The following DCAF4L1 variants were observed in gnomAD, a reference collection of about 807,000 sequenced individuals.
DCAF4L1 encodes the protein DDB1 and CUL4 associated factor 4 like 1.
DCAF4L1 carries 4 observed loss-of-function variants against 28.2 expected under a neutral mutation model. That is an observed-to-expected ratio of 0.14 (90% CI 0.07 to 0.33). The LOEUF (loss-of-function observed/expected upper bound fraction) is 0.33. DCAF4L1 is among the 10% of genes least tolerant of loss of function. The pLI is 1.00. For missense variants in DCAF4L1, 331 were observed against 506.1 expected (o/e 0.65, Z 3.32); for synonymous variants, 252 against 212.1 (o/e 1.19, Z -1.63).
rs890102200 is a variant in DCAF4L1, at chr4:41,983,796, C to T, written c.*813C>T. 1.8e-5 allele frequency: 3 copies of T among 166,500 alleles called. No individual in the cohort carries two copies. Among genetic ancestry groups the T allele is most frequent in the African/African-American group, 7.3e-5 (3 of 41,262 alleles). 10.3% of individuals were successfully genotyped at this position (166,500 alleles called of 1,614,324 possible). A position where few individuals can be genotyped will look rare whatever the true frequency, so the allele number is the denominator to read the frequency against. ...TTAAAGAGCCTGTTTTTCTACTAAG[C>T]AAGGAAGAAAAAAAACGTGTAATAA... On this transcript the variant is annotated 3_prime_UTR_variant, in exon 1 of 1. Transcript: ENST00000333141.
chr4:41,982,247 C>A lies in DCAF4L1; in HGVS notation c.455C>A (p.Ala152Asp), dbSNP rs1714006838. The A allele has an allele frequency of 6.2e-7, 1 of 1,614,116 alleles. No homozygotes were observed. Among genetic ancestry groups the A allele is most frequent in the Non-Finnish European group, 8.5e-7 (1 of 1,180,054 alleles). The change falls in exon 1 of 1, where the codon GCT becomes GAT. Residue 152 changes from alanine (A) to aspartate (D), a missense_variant. Transcript: ENST00000333141. This position sits in a 1 kb window ranked among gnomAD's most constrained non-coding sequence, Gnocchi z 4.4. Reference sequence around the variant, plus strand: ...CTGTGCTTCGAGGGAATCACAGATGCTCCAAGCTGTGCAGTGCTGCTCCCA... The same window carrying A: ...CTGTGCTTCGAGGGAATCACAGATGATCCAAGCTGTGCAGTGCTGCTCCCA... The part of the protein sequence containing the change: ...VLLCFEGITD[A>D]PSCAVLLPAS...
rs1214165901 is a variant in DCAF4L1, at chr4:41,985,447, T to G, written c.*2464T>G. 1.8e-5 allele frequency: 3 copies of G among 167,074 alleles called. No individual in the cohort carries two copies. The highest frequency in any genetic ancestry group is 7.2e-5 in the African/African-American group (3 of 41,454). 10.3% of individuals were successfully genotyped at this position (167,074 alleles called of 1,614,324 possible). ...TTGGGAATTAAAAGAGAAGCAAATG[T>G]TGGTGCAGTTGTGAGCAAATAGAAC... On this transcript the variant is annotated 3_prime_UTR_variant, in exon 1 of 1. Coordinates refer to ENST00000333141, the MANE Select transcript of DCAF4L1 (RefSeq NM_001029955.4).
In DCAF4L1 at chr4:41,984,048, G is replaced by A. The variant is rs1464720003; in HGVS notation, c.*1065G>A. 1 of 163,538 alleles carries A rather than the reference G, an allele frequency of 6.1e-6. No homozygotes were observed. The highest frequency in any genetic ancestry group is 2.4e-5 in the African/African-American group (1 of 41,438). The allele number at this position is 163,538 out of a possible 1,614,324, so 10.1% of individuals were successfully genotyped here. A position where few individuals can be genotyped will look rare whatever the true frequency, so the allele number is the denominator to read the frequency against. ...TAAAGTTCAAAAGCAGTAAAAACTT[G>A]TCTATGGTGATTAAAGGTAGAGTAG... is the stretch of plus-strand genomic sequence containing the variant. On this transcript the variant is annotated 3_prime_UTR_variant, in exon 1 of 1. Transcript: ENST00000333141.
In DCAF4L1 at chr4:41,984,382, T is replaced by A. The variant is rs936920276; in HGVS notation, c.*1399T>A. 6.0e-6 allele frequency: 1 copy of A among 166,882 alleles called. No individual in the cohort carries two copies. The highest frequency in any genetic ancestry group is 2.4e-5 in the African/African-American group (1 of 41,392). 10.3% of individuals were successfully genotyped at this position (166,882 alleles called of 1,614,324 possible). ...TTGGAAGATCATTCGAAGGTAGTAT[T>A]ATTGATAAGGCTTGCTGATGAGAGT... On this transcript the variant is annotated 3_prime_UTR_variant, in exon 1 of 1. Transcript: ENST00000333141.
Position 41,983,060 on chromosome 4 carries a change from A to C in DCAF4L1, c.*77A>C. 1 of 1,321,280 alleles carries C rather than the reference A, an allele frequency of 7.6e-7. No individual in the cohort carries two copies. The highest frequency in any genetic ancestry group is 2.4e-5 in the East Asian group (1 of 42,232). 81.8% of individuals were successfully genotyped at this position (1,321,280 alleles called of 1,614,324 possible). Reference sequence around the variant, plus strand: ...AGTATCTTATTACCGTTTCTGTGAGAGCATTTTAAGAGACGTGTTGTATAT... The same window carrying C: ...AGTATCTTATTACCGTTTCTGTGAGCGCATTTTAAGAGACGTGTTGTATAT... On this transcript the variant is annotated 3_prime_UTR_variant, in exon 1 of 1. Coordinates refer to ENST00000333141, the MANE Select transcript of DCAF4L1 (RefSeq NM_001029955.4).
Position 41,983,790 on chromosome 4 carries a change from A to C in DCAF4L1, c.*807A>C, listed in dbSNP as rs1714068245. On this transcript the variant is annotated 3_prime_UTR_variant, in exon 1 of 1. Transcript: ENST00000333141. Reference sequence around the variant, plus strand: ...AAAATGTTAAAGAGCCTGTTTTTCTACTAAGCAAGGAAGAAAAAAAACGTG... The same window carrying C: ...AAAATGTTAAAGAGCCTGTTTTTCTCCTAAGCAAGGAAGAAAAAAAACGTG... 1 of 167,036 alleles carries C rather than the reference A, an allele frequency of 6.0e-6. No homozygotes were observed. Among genetic ancestry groups the C allele is most frequent in the Admixed American group, 6.5e-5 (1 of 15,276 alleles). 10.3% of individuals were successfully genotyped at this position (167,036 alleles called of 1,614,324 possible). A position where few individuals can be genotyped will look rare whatever the true frequency, so the allele number is the denominator to read the frequency against.
chr4:41,981,912 C>T lies in DCAF4L1; in HGVS notation c.120C>T (p.Thr40=), dbSNP rs1202605557. 1.2e-6 allele frequency: 2 copies of T among 1,614,218 alleles called. No homozygotes were observed. The highest frequency in any genetic ancestry group is 1.3e-5 in the African/African-American group (1 of 75,062). Residue 40 remains threonine, a synonymous_variant, in exon 1 of 1, where the codon ACC becomes ACT. Transcript: ENST00000333141. The stretch of plus-strand genomic sequence containing the variant: ...GCCAGCTAGGTTTCCTCAACGTCAC[C>T]AGTTACTCCCGTTTAGCCAACGAGC... The part of the protein sequence containing the change: ...RKSQLGFLNV[T]SYSRLANELR...
chr4:41,982,471 G>A lies in DCAF4L1; in HGVS notation c.679G>A (p.Val227Ile). Reference sequence around the variant, plus strand: ...GCAGTCATTTGATACCAGCAGTGATGTCTTGGCCCAGCAGTTTGCTAGTAC... The same window carrying A: ...GCAGTCATTTGATACCAGCAGTGATATCTTGGCCCAGCAGTTTGCTAGTAC... ...HQQSFDTSSD[V>I]LAQQFASTAP... Residue 227 changes from valine to isoleucine, a missense_variant, in exon 1 of 1, where the codon GTC becomes ATC. Transcript: ENST00000333141. The surrounding 1 kb of genome is among the most constrained non-coding windows in gnomAD (Gnocchi z 4.4). 1 of 1,614,226 alleles carries A rather than the reference G, an allele frequency of 6.2e-7. No individual in the cohort carries two copies. Among genetic ancestry groups the A allele is most frequent in the Non-Finnish European group, 8.5e-7 (1 of 1,180,040 alleles).
chr4:41,982,742 A>G lies in DCAF4L1; in HGVS notation c.950A>G (p.Tyr317Cys), dbSNP rs202178500. 2.1e-4 allele frequency: 336 copies of G among 1,614,222 alleles called. 1 individual carries two copies. The highest frequency in any genetic ancestry group is 2.7e-4 in the Non-Finnish European group (317 of 1,180,048). ...QYEGHVNESAYLPLHVHEEEG... is the reference protein window; with the variant it reads ...QYEGHVNESACLPLHVHEEEG... The stretch of plus-strand genomic sequence containing the variant: ...GAAGGTCACGTGAATGAGTCCGCCT[A>G]TCTGCCCCTGCATGTGCACGAGGAA... Residue 317 changes from tyrosine to cysteine, a missense_variant, in exon 1 of 1, where the codon TAT becomes TGT. Tyr to Cys is a radical substitution (Grantham distance 194). Transcript: ENST00000333141. This position sits in a 1 kb window ranked among gnomAD's most constrained non-coding sequence, Gnocchi z 4.4.
In DCAF4L1 at chr4:41,982,224, GTGCTTCGAGGGAATCACAGA is replaced by G. The variant is rs762622618; in HGVS notation, c.437_456del (p.Phe146SerfsTer20). On this transcript the variant is annotated frameshift_variant, in exon 1 of 1. Coordinates refer to ENST00000333141, the MANE Select transcript of DCAF4L1 (RefSeq NM_001029955.4). LOFTEE classifies it high-confidence loss of function. The surrounding 1 kb of genome is among the most constrained non-coding windows in gnomAD (Gnocchi z 4.4). ...ACCAGTTGGACTCTCACGTTCTGCT[GTGCTTCGAGGGAATCACAGA>G]TGCTCCAAGCTGTGCAGTGCTGCTC... is the stretch of plus-strand genomic sequence containing the variant. The G allele has an allele frequency of 6.2e-7, 1 of 1,614,244 alleles. No individual in the cohort carries two copies. Among genetic ancestry groups the G allele is most frequent in the Non-Finnish European group, 8.5e-7 (1 of 1,180,048 alleles).
rs34302641 is a variant in DCAF4L1 at position 41,983,255 on chromosome 4, C to CT, written c.*283dup. On this transcript the variant is annotated 3_prime_UTR_variant, in exon 1 of 1. Coordinates refer to ENST00000333141, the MANE Select transcript of DCAF4L1 (RefSeq NM_001029955.4). ...AGAACAGTTAACCACCTCCCCAACC[C>CT]TTTTTTTTTTTAAATAATTAAGACT... The CT allele has an allele frequency of 0.62, 138,603 of 223,374 alleles. 40,915 individuals carry two copies. Among genetic ancestry groups the CT allele is most frequent in the East Asian group, 0.76 (6,390 of 8,442 alleles). 13.8% of individuals were successfully genotyped at this position (223,374 alleles called of 1,614,324 possible). A position where few individuals can be genotyped will look rare whatever the true frequency, so the allele number is the denominator to read the frequency against.
Position 41,985,464 on chromosome 4 carries a change from A to C in DCAF4L1, c.*2481A>C, listed in dbSNP as rs1368180845. 1.2e-5 allele frequency: 2 copies of C among 167,138 alleles called. No individual in the cohort carries two copies. The highest frequency in any genetic ancestry group is 4.8e-5 in the African/African-American group (2 of 41,466). 10.4% of individuals were successfully genotyped at this position (167,138 alleles called of 1,614,324 possible). On this transcript the variant is annotated 3_prime_UTR_variant, in exon 1 of 1. Coordinates refer to ENST00000333141, the MANE Select transcript of DCAF4L1 (RefSeq NM_001029955.4). ...AGCAAATGTTGGTGCAGTTGTGAGC[A>C]AATAGAACTTTCATATACTGTTGAG...
In DCAF4L1 at chr4:41,985,963, C is replaced by T. The variant is rs1266812087; in HGVS notation, c.*2980C>T. 6.0e-6 allele frequency: 1 copy of T among 167,120 alleles called. No individual in the cohort carries two copies. The highest frequency in any genetic ancestry group is 1.9e-4 in the East Asian group (1 of 5,208). 10.4% of individuals were successfully genotyped at this position (167,120 alleles called of 1,614,324 possible). A position where few individuals can be genotyped will look rare whatever the true frequency, so the allele number is the denominator to read the frequency against. On this transcript the variant is annotated 3_prime_UTR_variant, in exon 1 of 1. Transcript: ENST00000333141. Reference sequence around the variant, plus strand: ...CCTAGTGACTCCAATAGTAATGGCACTGTGTCCGAGAGTCCAAAGAAGATG... The same window carrying T: ...CCTAGTGACTCCAATAGTAATGGCATTGTGTCCGAGAGTCCAAAGAAGATG...
chr4:41,982,749 C>G lies in DCAF4L1; in HGVS notation c.957C>G (p.Pro319=), dbSNP rs142055086. The change falls in exon 1 of 1, where the codon CCC becomes CCG. Residue 319 remains proline, a synonymous_variant. Transcript: ENST00000333141. This position sits in a 1 kb window ranked among gnomAD's most constrained non-coding sequence, Gnocchi z 4.4. The stretch of plus-strand genomic sequence containing the variant: ...ACGTGAATGAGTCCGCCTATCTGCC[C>G]CTGCATGTGCACGAGGAAGAGGGAA... ...EGHVNESAYL[P]LHVHEEEGIV... is the part of the protein sequence containing the mutation. 2.3e-4 allele frequency: 372 copies of G among 1,614,200 alleles called. 3 individuals are homozygous for G. The East Asian group carries it at 4.2e-3, about 18-fold the overall frequency.
rs1232919244 is a variant in DCAF4L1 at position 41,983,760 on chromosome 4, T to C, written c.*777T>C. ...TAGGAGCAGCAGTTTGTGAGAGATT[T>C]ATTAAAAATGTTAAAGAGCCTGTTT... On this transcript the variant is annotated 3_prime_UTR_variant, in exon 1 of 1. Transcript: ENST00000333141. 1 of 167,068 alleles carries C rather than the reference T, an allele frequency of 6.0e-6. No homozygotes were observed. Among genetic ancestry groups the C allele is most frequent in the Non-Finnish European group, 1.5e-5 (1 of 68,124 alleles). 10.3% of individuals were successfully genotyped at this position (167,068 alleles called of 1,614,324 possible).
At position 41,986,293 on chromosome 4, in the gene DCAF4L1, T is replaced by A. The variant is rs556796427; in HGVS notation, c.*3310T>A. The A allele has an allele frequency of 1.2e-5, 2 of 167,198 alleles. No individual in the cohort carries two copies. Among genetic ancestry groups the A allele is most frequent in the East Asian group, 3.9e-4 (2 of 5,188 alleles). 10.4% of individuals were successfully genotyped at this position (167,198 alleles called of 1,614,324 possible). A position where few individuals can be genotyped will look rare whatever the true frequency, so the allele number is the denominator to read the frequency against. On this transcript the variant is annotated 3_prime_UTR_variant, in exon 1 of 1. Coordinates refer to ENST00000333141, the MANE Select transcript of DCAF4L1 (RefSeq NM_001029955.4). ...TTGGGATTCTGAGCACACATTCGTT[T>A]TAGATCACAGGGTCGTTCTCAGGAT... is the stretch of plus-strand genomic sequence containing the variant.
In DCAF4L1 at chr4:41,982,750, C is replaced by A. The variant is rs753362601; in HGVS notation, c.958C>A (p.Leu320Met). The A allele has an allele frequency of 6.2e-7, 1 of 1,614,252 alleles. No individual in the cohort carries two copies. Among genetic ancestry groups the A allele is most frequent in the South Asian group, 1.1e-5 (1 of 91,092 alleles). The change falls in exon 1 of 1, where the codon CTG becomes ATG. Residue 320 changes from leucine (L) to methionine (M), a missense_variant. Leu to Met is a conservative substitution (Grantham distance 15, BLOSUM62 2). Transcript: ENST00000333141. The surrounding 1 kb of genome is among the most constrained non-coding windows in gnomAD (Gnocchi z 4.4). ...GHVNESAYLP[L>M]HVHEEEGIVV... ...CGTGAATGAGTCCGCCTATCTGCCC[C>A]TGCATGTGCACGAGGAAGAGGGAAT...
rs1175953612 is a variant in DCAF4L1 at position 41,981,962 on chromosome 4, A to G, written c.170A>G (p.Lys57Arg). ...NELRVSCMER[K>R]KVQIRSLDPS... Reference sequence around the variant, plus strand: ...CTGCGTGTGAGCTGCATGGAGCGGAAAAAGGTCCAAATTCGGAGCTTGGAT... The same window carrying G: ...CTGCGTGTGAGCTGCATGGAGCGGAGAAAGGTCCAAATTCGGAGCTTGGAT... Residue 57 changes from lysine (K) to arginine (R), a missense_variant, in exon 1 of 1, where the codon AAA becomes AGA. Coordinates refer to ENST00000333141, the MANE Select transcript of DCAF4L1 (RefSeq NM_001029955.4). 1.2e-6 allele frequency: 2 copies of G among 1,614,254 alleles called. No homozygotes were observed. The highest frequency in any genetic ancestry group is 2.2e-5 in the East Asian group (1 of 44,884).
rs1054307898 is a variant in DCAF4L1 at position 41,985,515 on chromosome 4, AAGTT to A, written c.*2536_*2539del. The A allele has an allele frequency of 4.8e-5, 8 of 167,114 alleles. No homozygotes were observed. Among genetic ancestry groups the A allele is most frequent in the African/African-American group, 1.9e-4 (8 of 41,462 alleles). 10.4% of individuals were successfully genotyped at this position (167,114 alleles called of 1,614,324 possible). A position where few individuals can be genotyped will look rare whatever the true frequency, so the allele number is the denominator to read the frequency against. ...TGTATACTGGTACAAGCACTTGGAA[AAGTT>A]AGTAATTGCTAAAGCTAGAAGTTTG... On this transcript the variant is annotated 3_prime_UTR_variant, in exon 1 of 1. Coordinates refer to ENST00000333141, the MANE Select transcript of DCAF4L1 (RefSeq NM_001029955.4).
Sources: allele counts gnomAD v4.1 joint callset, GRCh38; gene constraint gnomAD v4.1.1; non-coding constraint Gnocchi (gnomAD v3.1); transcripts MANE v1.5; gene names NCBI Gene and HGNC (gene_info 2026-07-23, HGNC 2026-07-21).